OR1J2: variants seen among roughly 807,000 people sequenced by gnomAD.
OR1J2 encodes the protein olfactory receptor family 1 subfamily J member 2.
For synonymous variants in OR1J2, 142 were observed against 99.7 expected (o/e 1.42, Z -2.52); for missense variants, 304 against 246.1 (o/e 1.24, Z -1.57).
chr9:122,499,542 G>T, the OR1J2 span, among the ~76,000 whole-genome samples: 32 of 152,158 alleles, frequency 2.1e-4, no homozygotes, highest in East Asian at 6.0e-3. Flanking sequence ...AACTCAGGTT[G>T]CTGGATGAAG....
At chr9:122,462,788 C>A in the OR1J2 span, among the ~76,000 whole-genome samples, 4 of 152,172 alleles carry the variant, frequency 2.6e-5, no homozygotes, top group African/African-American at 9.7e-5. Flanking sequence ...TCTGAGAAAT[C>A]TGCTCTGTTT....
chr9:122,520,198 A>T, the OR1J2 span: 4 of 648,550 alleles, frequency 6.2e-6, no homozygotes, highest in South Asian at 7.7e-5. Flanking sequence ...CTTGAATTGC[A>T]TCCTGTTACA....
At chr9:122,498,883 G>A in the OR1J2 span, among the ~76,000 whole-genome samples, 1 of 152,134 alleles carries the variant, frequency 6.6e-6, no homozygotes, top group Non-Finnish European at 1.5e-5. Context: ...AGAGAATACT[G>A]GGGGGTAGGG....
At chr9:122,566,912 C>A in the OR1J2 span, among the ~76,000 whole-genome samples, 5 of 151,826 alleles carry the variant, frequency 3.3e-5, no homozygotes, top group Admixed American at 3.3e-4. Context: ...GGTTTTTGTT[C>A]TTTCTGACCA....
chr9:122,481,958 A>AT, the OR1J2 span, among the ~76,000 whole-genome samples: 1 of 152,140 alleles, frequency 6.6e-6, no homozygotes, highest in African/African-American at 2.4e-5. Flanking sequence ...TTAGACAAGG[A>AT]TTTTTTTGAC....
the OR1J2 span, among the ~76,000 whole-genome samples, chr9:122,449,311 C>T: frequency 6.6e-6 from 1 of 152,140 alleles, no homozygotes. Context: ...AGATCTGGGG[C>T]TTGTTTGGCT....
downstream of OR1J2, among the ~76,000 whole-genome samples, chr9:122,516,345 C>CCA (rs1828699735): frequency 2.1e-5 from 3 of 145,062 alleles, no homozygotes; most frequent in Non-Finnish European, 4.5e-5. Flanking sequence ...GCTCTGTCGC[C>CCA]CAGGCTGGAG....
the OR1J2 span, chr9:122,527,198 C>T: frequency 6.8e-6 from 11 of 1,614,090 alleles, no homozygotes; most frequent in Non-Finnish European, 9.3e-6. Flanking sequence ...TGACAAGATA[C>T]ATACACAGGA....
the OR1J2 span, among the ~76,000 whole-genome samples, chr9:122,451,065 G>A: frequency 2.5e-3 from 381 of 151,824 alleles, 1 homozygote; most frequent in African/African-American, 8.8e-3. Flanking sequence ...ATCACATTGA[G>A]CCATGAGTAT....
At chr9:122,525,476 T>C in the OR1J2 span, among the ~76,000 whole-genome samples, 4 of 152,206 alleles carry the variant, frequency 2.6e-5, no homozygotes, top group South Asian at 8.3e-4. Context: ...ATATTTTTAA[T>C]ATTTCTAAGA....
At chr9:122,542,685 T>C in the OR1J2 span, among the ~76,000 whole-genome samples, 1 of 152,174 alleles carries the variant, frequency 6.6e-6, no homozygotes, top group Non-Finnish European at 1.5e-5. Context: ...ATTGGGGTAT[T>C]ATTTACATAA....
At chr9:122,497,047 C>A in the OR1J2 span, among the ~76,000 whole-genome samples, 1 of 152,136 alleles carries the variant, frequency 6.6e-6, no homozygotes, top group Non-Finnish European at 1.5e-5. Flanking sequence ...CTCCTTCCCC[C>A]CTGTACATCC....
chr9:122,562,997 CTT>C, the OR1J2 span, among the ~76,000 whole-genome samples: 3 of 152,150 alleles, frequency 2.0e-5, no homozygotes, highest in African/African-American at 7.2e-5. Context: ...GCAGATGACT[CTT>C]TGACGTACTT....
the OR1J2 span, among the ~76,000 whole-genome samples, chr9:122,522,329 T>C: frequency 7.3e-4 from 111 of 152,282 alleles, 2 homozygotes; most frequent in African/African-American, 2.5e-3. Flanking sequence ...AGTGTGACAA[T>C]AGAACAATCT....
At chr9:122,500,117 C>T in the OR1J2 span, among the ~76,000 whole-genome samples, 19 of 152,332 alleles carry the variant, frequency 1.2e-4, no homozygotes, top group South Asian at 3.9e-3. Context: ...GCCACACTGT[C>T]AAAGAATAGC....
chr9:122,468,392 C>T, the OR1J2 span, among the ~76,000 whole-genome samples: 3 of 152,172 alleles, frequency 2.0e-5, no homozygotes, highest in African/African-American at 7.2e-5. Context: ...CTTTTCTTTT[C>T]TGGCCCAACT....
At chr9:122,477,265 A>T in the OR1J2 span, 79 of 1,613,984 alleles carry the variant, frequency 4.9e-5, 2 homozygotes, top group Non-Finnish European at 4.2e-6. Flanking sequence ...GGTGACCCCA[A>T]TGTGACCATA....
the OR1J2 span, among the ~76,000 whole-genome samples, chr9:122,468,886 G>T: frequency 6.6e-6 from 1 of 152,136 alleles, no homozygotes; most frequent in Middle Eastern, 3.2e-3. Context: ...TAACCCTGTG[G>T]CTCTCTGGAC....
the OR1J2 span, among the ~76,000 whole-genome samples, chr9:122,491,241 T>C: frequency 6.6e-6 from 1 of 152,104 alleles, no homozygotes; most frequent in Admixed American, 6.6e-5. Flanking sequence ...GAAAAAGATT[T>C]GAGAAGTTGT....
Sources: gnomAD v4.1 joint callset for allele counts (sites outside exome capture counted in the v4.1 genomes callset) on GRCh38, gnomAD v4.1.1 for gene constraint, MANE v1.5 for transcripts, NCBI Gene and HGNC (gene_info 2026-07-23, HGNC 2026-07-21) for gene names.